The following PIK3C2G variants were observed in gnomAD, a reference collection of about 807,000 sequenced individuals.
The protein encoded by PIK3C2G is phosphatidylinositol-4-phosphate 3-kinase catalytic subunit type 2 gamma.
A neutral mutation model predicts 181.1 loss-of-function variants in PIK3C2G; 168 were observed. That is an observed-to-expected ratio of 0.93 (90% CI 0.82 to 1.05). The LOEUF is 1.05. Among genes scored for constraint, PIK3C2G ranks in the 50% least tolerant of loss-of-function variants. The pLI, the probability that PIK3C2G is intolerant of heterozygous loss-of-function variation, is 0.00. For missense variants in PIK3C2G, 1,869 were observed against 1,732.8 expected (o/e 1.08, Z -1.40); for synonymous variants, 573 against 592.2 (o/e 0.97, Z 0.47).
At chr12:18,440,579 G>A (rs1370384484) in intron 18 of PIK3C2G, among the ~76,000 whole-genome samples, 1 of 152,064 alleles carries the variant, frequency 6.6e-6, no homozygotes, top group Non-Finnish European at 1.5e-5. Context: ...TGAAGGAAGA[G>A]GATGCCAGGA....
chr12:18,423,146 A>T lies in PIK3C2G; in HGVS notation c.2410-799A>T, dbSNP rs9634089. Among the ~76,000 whole-genome samples, 108 of 149,482 alleles carry T rather than the reference A, an allele frequency of 7.2e-4. 1 individual carries two copies. The highest frequency in any genetic ancestry group is 1.6e-3 in the East Asian group (8 of 5,052). The stretch of plus-strand genomic sequence containing the variant: ...CTGAAGCTTTGAGAGAGAGAGAGAG[A>T]GTGTGTGTGTGTGTGTGTGTGTAAG... On this transcript the variant is annotated intron_variant, in intron 17 of 32. Transcript: ENST00000538779.
chr12:18,288,895 A>G (rs959062954), intron 3 of PIK3C2G, among the ~76,000 whole-genome samples: 6 of 152,174 alleles, frequency 3.9e-5, no homozygotes, highest in Admixed American at 3.9e-4. Flanking sequence ...CCAGTGACTT[A>G]TAGTGCATTT....
intron 31 of PIK3C2G, among the ~76,000 whole-genome samples, chr12:18,624,861 T>G (rs1949025169): frequency 6.6e-6 from 1 of 151,728 alleles, no homozygotes; most frequent in Non-Finnish European, 1.5e-5. Flanking sequence ...ATCTTTTGTA[T>G]TCTTTTGGTG....
intron 18 of PIK3C2G, among the ~76,000 whole-genome samples, chr12:18,455,982 T>G (rs921155): frequency 0.15 from 22,492 of 152,094 alleles, 1,803 homozygotes; most frequent in African/African-American, 0.21. Flanking sequence ...CTTGTTTTCT[T>G]TACCATTCTG....
rs145116416 is a variant in PIK3C2G, at chr12:18,470,762, C to G, written c.2505-17687C>G. ...ACTCTTCCTTCCTTCCAGCCACCAC[C>G]CATGTTCATGTCAGTGGTTCTCAAT... On this transcript the variant is annotated intron_variant, in intron 18 of 32. Coordinates refer to ENST00000538779, the MANE Select transcript of PIK3C2G (RefSeq NM_001288772.2). Among the ~76,000 whole-genome samples, 158 of 152,110 alleles carry G rather than the reference C, an allele frequency of 1.0e-3. 1 individual carries two copies. The East Asian group carries it at 0.029, about 28-fold the overall frequency.
chr12:18,301,558 G>C (rs1950175604), intron 5 of PIK3C2G, among the ~76,000 whole-genome samples: 1 of 151,448 alleles, frequency 6.6e-6, no homozygotes, highest in Admixed American at 6.6e-5. Flanking sequence ...ATTTTTGTTT[G>C]TTCCTTTTTT....
upstream of PIK3C2G, among the ~76,000 whole-genome samples, chr12:18,244,603 A>G (rs1317867117): frequency 6.6e-6 from 1 of 151,930 alleles, no homozygotes; most frequent in Non-Finnish European, 1.5e-5. Flanking sequence ...CAAGTAAATT[A>G]AAGTGTTAAT....
the PIK3C2G span, among the ~76,000 whole-genome samples, chr12:18,708,918 C>A: frequency 1.3e-5 from 2 of 152,044 alleles, no homozygotes; most frequent in African/African-American, 4.8e-5. Context: ...ACTCCCTTAT[C>A]AGATACATGG....
intron 18 of PIK3C2G, among the ~76,000 whole-genome samples, chr12:18,440,288 C>T (rs1192213560): frequency 1.3e-5 from 2 of 151,960 alleles, no homozygotes; most frequent in Non-Finnish European, 2.9e-5. Flanking sequence ...TATTGAGCAC[C>T]TTCCATGAGT....
At chr12:18,647,850 AT>A in intron 32 of PIK3C2G, 25 bp from the exon 33 acceptor site, 1 of 1,395,872 alleles carries the variant, frequency 7.2e-7, no homozygotes, top group Non-Finnish European at 9.6e-7. Context: ...TCTGATTTAT[AT>A]TTTCATTATT....
At chr12:18,647,785 C>T in intron 32 of PIK3C2G, 91 bp from the exon 33 acceptor site, 2 of 622,260 alleles carry the variant, frequency 3.2e-6, no homozygotes, top group Non-Finnish European at 5.0e-6. Flanking sequence ...AAGATATTAG[C>T]AGCTAATTTT....
intron 31 of PIK3C2G, among the ~76,000 whole-genome samples, chr12:18,615,425 GTA>G (rs148611253): frequency 6.9e-5 from 10 of 145,238 alleles, no homozygotes; most frequent in Admixed American, 1.4e-4. Flanking sequence ...CCTAAATGTG[GTA>G]TATATATATA....
the PIK3C2G span, among the ~76,000 whole-genome samples, chr12:18,689,909 C>A: frequency 6.6e-6 from 1 of 152,038 alleles, no homozygotes; most frequent in African/African-American, 2.4e-5. Flanking sequence ...CACAAAGCTC[C>A]CTAGAGTGAT....
chr12:18,521,944 A>G (rs903809382), intron 24 of PIK3C2G, among the ~76,000 whole-genome samples: 6 of 152,208 alleles, frequency 3.9e-5, no homozygotes, highest in African/African-American at 7.2e-5. Flanking sequence ...ATGGTTTCCT[A>G]TGCAGGGTAG....
chr12:18,619,331 A>C (rs1592728811), intron 31 of PIK3C2G, among the ~76,000 whole-genome samples: 1 of 152,066 alleles, frequency 6.6e-6, no homozygotes. Flanking sequence ...CCTCTGCAGC[A>C]AAGGAGAAAG....
intron 5 of PIK3C2G, among the ~76,000 whole-genome samples, chr12:18,303,232 T>C (rs1348944179): frequency 3.3e-5 from 5 of 150,682 alleles, no homozygotes; most frequent in African/African-American, 1.2e-4. Flanking sequence ...CTTCTTTCTC[T>C]CTTTCTCTCT....
chr12:18,343,413 A>G, intron 10 of PIK3C2G, 53 bp downstream of exon 10: 2 of 947,218 alleles, frequency 2.1e-6, no homozygotes, highest in Non-Finnish European at 3.2e-6. Context: ...AATAAGTTAC[A>G]GAATCCAAAA....
chr12:18,708,774 T>C, the PIK3C2G span, among the ~76,000 whole-genome samples: 1 of 152,152 alleles, frequency 6.6e-6, no homozygotes, highest in African/African-American at 2.4e-5. Context: ...TAATGTTGAG[T>C]ACCTTTTCAT....
intron 5 of PIK3C2G, among the ~76,000 whole-genome samples, chr12:18,297,869 T>C (rs1447420940): frequency 6.6e-6 from 1 of 152,068 alleles, no homozygotes; most frequent in Non-Finnish European, 1.5e-5. Flanking sequence ...CTTTTTTAAA[T>C]AATTGAACAG....
Sources: allele counts gnomAD v4.1 joint callset (sites outside exome capture counted in the v4.1 genomes callset), GRCh38; gene constraint gnomAD v4.1.1; transcripts MANE v1.5; gene names NCBI Gene and HGNC (gene_info 2026-07-23, HGNC 2026-07-21).